TUSC3: variants seen among roughly 807,000 people sequenced by gnomAD.
TUSC3 encodes the protein tumor suppressor candidate 3.
In TUSC3, 45 loss-of-function variants were observed where a neutral mutation model predicts 44.8. The ratio of observed to expected loss-of-function variants is 1.00; its 90% CI spans 0.79 to 1.29. The LOEUF is 1.29. Ranked by LOEUF, TUSC3 falls within the 50% of genes most tolerant of loss-of-function variation. The pLI is 0.00. For synonymous variants in TUSC3, 212 were observed against 152.9 expected (o/e 1.39, Z -2.85); for missense variants, 519 against 437.9 (o/e 1.19, Z -1.65).
At position 15,473,477 on chromosome 8, in the gene TUSC3, G is replaced by T. The variant is rs151214590; in HGVS notation, n.92-9909G>T. ...TGTTCCATTGTCACTCAAAGCATTG[G>T]TTTGCAGTTACATGTTCATAAAGTA... On this transcript the variant is annotated intron_variant and non_coding_transcript_variant, in intron 1 of 5. Transcript: ENST00000503191. Among the ~76,000 whole-genome samples the T allele has an allele frequency of 2.4e-3, 366 of 152,288 alleles. 4 individuals are homozygous for T. Among genetic ancestry groups the T allele is most frequent in the African/African-American group, 8.3e-3 (345 of 41,558 alleles).
At chr8:15,658,838 A>G (rs1249366916) in intron 3 of TUSC3, among the ~76,000 whole-genome samples, 3 of 152,004 alleles carry the variant, frequency 2.0e-5, no homozygotes, top group Non-Finnish European at 2.9e-5. Context: ...TACTTTTCAA[A>G]TGGAAATTAC....
At chr8:15,833,297 G>T in the TUSC3 span, among the ~76,000 whole-genome samples, 1 of 152,134 alleles carries the variant, frequency 6.6e-6, no homozygotes, top group Non-Finnish European at 1.5e-5. Flanking sequence ...GGAAAACAAT[G>T]TGGCAATTCC....
chr8:15,417,575 C>A (rs757990223), intron 1 of TUSC3, among the ~76,000 whole-genome samples: 5 of 152,188 alleles, frequency 3.3e-5, no homozygotes, highest in African/African-American at 1.2e-4. Context: ...CTTTCAATTT[C>A]ATTTGCAATT....
intron 2 of TUSC3, among the ~76,000 whole-genome samples, chr8:15,638,880 C>G (rs747868471): frequency 1.1e-4 from 17 of 152,142 alleles, no homozygotes; most frequent in South Asian, 2.1e-4. Flanking sequence ...GATGCTAGAT[C>G]ACGTGATGTT....
At chr8:15,779,510 ACGT>A in the TUSC3 span, among the ~76,000 whole-genome samples, 2 of 152,218 alleles carry the variant, frequency 1.3e-5, no homozygotes, top group Non-Finnish European at 1.5e-5. Context: ...AGCTGTCTAA[ACGT>A]CGTCACACTG....
At chr8:15,609,980 G>T in intron 1 of TUSC3, among the ~76,000 whole-genome samples, 1 of 151,394 alleles carries the variant, frequency 6.6e-6, no homozygotes, top group Non-Finnish European at 1.5e-5. Flanking sequence ...TTAGTCTCTG[G>T]TATTTTATTG....
At chr8:15,560,186 T>A (rs1221467056) in intron 1 of TUSC3, among the ~76,000 whole-genome samples, 1 of 145,588 alleles carries the variant, frequency 6.9e-6, no homozygotes, top group Non-Finnish European at 1.5e-5. Flanking sequence ...GGAGCTCTTT[T>A]AGGGCAGGCC....
chr8:15,652,173 G>C (rs575621650), intron 3 of TUSC3, among the ~76,000 whole-genome samples: 1 of 152,232 alleles, frequency 6.6e-6, no homozygotes, highest in South Asian at 2.1e-4. Flanking sequence ...GCAGTTCCGG[G>C]GTTGATCTTT....
the TUSC3 span, among the ~76,000 whole-genome samples, chr8:15,812,318 G>T: frequency 6.6e-6 from 1 of 152,140 alleles, no homozygotes; most frequent in East Asian, 1.9e-4. Context: ...CATTCAGGAG[G>T]TTGTCTGTGT....
At chr8:15,660,220 A>T (rs902358200) in intron 4 of TUSC3, among the ~76,000 whole-genome samples, 1 of 152,080 alleles carries the variant, frequency 6.6e-6, no homozygotes, top group East Asian at 1.9e-4. Flanking sequence ...ATTGGGAAAA[A>T]TTGAATATAA....
At chr8:15,835,610 CCAGA>C in the TUSC3 span, among the ~76,000 whole-genome samples, 498 of 152,104 alleles carry the variant, frequency 3.3e-3, 2 homozygotes, top group African/African-American at 0.011. Context: ...TTTATTGTAA[CCAGA>C]CAATGTTGTT....
At chr8:15,536,569 C>CT (rs1422715500), upstream of TUSC3, among the ~76,000 whole-genome samples, 1 of 151,260 alleles carries the variant, frequency 6.6e-6, no homozygotes, top group Non-Finnish European at 1.5e-5. Flanking sequence ...ATACTCCCAG[C>CT]TACTCGGGAG....
chr8:15,842,065 A>G, the TUSC3 span, among the ~76,000 whole-genome samples: 1 of 152,290 alleles, frequency 6.6e-6, no homozygotes, highest in South Asian at 2.1e-4. Context: ...AATGTTACCC[A>G]CGTTTCTTAT....
chr8:15,535,541 A>T (rs1330675870), upstream of TUSC3, among the ~76,000 whole-genome samples: 1 of 152,180 alleles, frequency 6.6e-6, no homozygotes, highest in East Asian at 1.9e-4. Flanking sequence ...TATAGGGCAG[A>T]GGAAGCAATC....
intron 1 of TUSC3, among the ~76,000 whole-genome samples, chr8:15,546,650 C>G (rs1801874839): frequency 6.6e-6 from 1 of 151,612 alleles, no homozygotes; most frequent in South Asian, 2.1e-4. Flanking sequence ...ATCCCCCTGC[C>G]TCAGCCTCCC....
chr8:15,790,683 A>G, the TUSC3 span, among the ~76,000 whole-genome samples: 110 of 152,266 alleles, frequency 7.2e-4, 1 homozygote, highest in East Asian at 0.02. Context: ...GTACCGGTGC[A>G]ATGTTTAGTG....
the TUSC3 span, among the ~76,000 whole-genome samples, chr8:15,839,331 C>T: frequency 7.2e-5 from 11 of 151,890 alleles, no homozygotes; most frequent in Non-Finnish European, 1.6e-4. Flanking sequence ...TCCTCTTTTC[C>T]TAATGGAATA....
chr8:15,721,079 TG>T (rs751159645), intron 6 of TUSC3, among the ~76,000 whole-genome samples: 9 of 152,128 alleles, frequency 5.9e-5, no homozygotes, highest in Non-Finnish European at 1.2e-4. Flanking sequence ...ACCTATTTTT[TG>T]TTTAAACACA....
At chr8:15,684,584 C>T (rs921354915) in intron 6 of TUSC3, among the ~76,000 whole-genome samples, 1 of 152,142 alleles carries the variant, frequency 6.6e-6, no homozygotes, top group Non-Finnish European at 1.5e-5. Context: ...GAAGAAGCTG[C>T]AGCTGGCTGT....
Sources: allele counts gnomAD v4.1 joint callset (sites outside exome capture counted in the v4.1 genomes callset), GRCh38; gene constraint gnomAD v4.1.1; transcripts MANE v1.5; gene names NCBI Gene and HGNC (gene_info 2026-07-23, HGNC 2026-07-21).